PRDM1: variants seen among roughly 807,000 people sequenced by gnomAD.
PRDM1 encodes the protein PR domain zinc finger protein 1.
PRDM1 carries 13 observed loss-of-function variants against 62.8 expected under a neutral mutation model. That is an observed-to-expected ratio of 0.21 (90% confidence interval 0.13 to 0.33). The LOEUF is 0.33. Among genes scored for constraint, PRDM1 ranks in the 10% least tolerant of loss-of-function variants. PRDM1 has a pLI of 1.00. For synonymous variants in PRDM1, 396 were observed against 417.6 expected, an observed-to-expected ratio of 0.95 and a Z score of 0.63; for missense variants, 895 against 1,058.8, an observed-to-expected ratio of 0.85 and a Z score of 2.15.
At chr6:106,011,208 C>G (rs747828455) in intron 1 of PRDM1, among the ~76,000 whole-genome samples, 1 of 151,932 alleles carries the variant, frequency 6.6e-6, no homozygotes, top group Non-Finnish European at 1.5e-5. Flanking sequence ...GAAGATGTAC[C>G]GAAGACTTAA....
At position 106,106,428 on chromosome 6, in the gene PRDM1, G is replaced by A; in HGVS notation, c.1831G>A (p.Gly611Ser). Residue 611 changes from glycine (G) to serine (S), a missense_variant, in exon 6 of 7, where the codon GGC becomes AGC. Physicochemically the swap from Gly to Ser is moderately conservative, Grantham distance 56. Around this residue, in one of 4 missense-constraint regions of PRDM1, gnomAD observed 74 missense variants for 172.4 expected, o/e 0.43. Coordinates refer to ENST00000369096, the MANE Select transcript of PRDM1 (RefSeq NM_001198.4). This position sits in a 1 kb window ranked among gnomAD's most constrained non-coding sequence, Gnocchi z 4.4. ...TTTCAAATGTCAGACTTGCAACAAG[G>A]GCTTTACTCAGCTCGCCCACCTGCA... is the stretch of plus-strand genomic sequence containing the variant. ...RPFKCQTCNK[G>S]FTQLAHLQKH... 6.2e-7 allele frequency: 1 copy of A among 1,614,134 alleles called. No homozygotes were observed. Among genetic ancestry groups the A allele is most frequent in the Non-Finnish European group, 8.5e-7 (1 of 1,180,032 alleles).
chr6:105,998,912 TATATATATATATATATATA>T (rs1159670880), intron 1 of PRDM1, among the ~76,000 whole-genome samples: 28 of 6,200 alleles, frequency 4.5e-3, no homozygotes, highest in African/African-American at 0.01. Flanking sequence ...TATATATATA[TATATATATATATATATATA>T]TATTTTTTTT....
chr6:105,998,906 TA>T (rs1772386537), intron 1 of PRDM1, among the ~76,000 whole-genome samples: 5 of 5,952 alleles, frequency 8.4e-4, no homozygotes, highest in Non-Finnish European at 1.1e-3. Context: ...TATATATATA[TA>T]TATATATATA....
chr6:106,104,368 C>T (rs1985899), intron 4 of PRDM1, among the ~76,000 whole-genome samples: 12,332 of 152,182 alleles, frequency 0.081, 662 homozygotes, highest in East Asian at 0.18. Context: ...TGCGCCACCA[C>T]GCCCAGCTAA....
At chr6:106,066,953 T>C (rs1773443686) in intron 1 of PRDM1, among the ~76,000 whole-genome samples, 1 of 152,344 alleles carries the variant, frequency 6.6e-6, no homozygotes, top group South Asian at 2.1e-4. Flanking sequence ...GCTTCATGTG[T>C]ATTAAGTGAT....
At chr6:106,027,668 G>T (rs964531932) in intron 1 of PRDM1, among the ~76,000 whole-genome samples, 1 of 152,104 alleles carries the variant, frequency 6.6e-6, no homozygotes, top group African/African-American at 2.4e-5. Flanking sequence ...TCAATGTAGG[G>T]TTTTATCTTA....
upstream of PRDM1, among the ~76,000 whole-genome samples, chr6:106,084,515 G>A (rs530224318): frequency 2.2e-3 from 331 of 152,264 alleles, 3 homozygotes; most frequent in Non-Finnish European, 3.9e-3. Context: ...CTCTATCATG[G>A]TTGACTCACC....
intron 1 of PRDM1, chr6:106,087,909 TA>T (rs1261950583): frequency 3.5e-6 from 1 of 285,240 alleles, no homozygotes; most frequent in Admixed American, 4.9e-5. Flanking sequence ...CCATGAGAGG[TA>T]AAGCCAGGGA....
chr6:106,024,852 A>G (rs1772744725), intron 1 of PRDM1, among the ~76,000 whole-genome samples: 1 of 152,202 alleles, frequency 6.6e-6, no homozygotes, highest in African/African-American at 2.4e-5. Flanking sequence ...TGAAATTAAA[A>G]TATGTGTCAG....
intron 1 of PRDM1, among the ~76,000 whole-genome samples, chr6:106,030,700 T>A (rs986786118): frequency 3.9e-5 from 6 of 152,214 alleles, no homozygotes; most frequent in African/African-American, 1.4e-4. Context: ...TTAGAGATAA[T>A]CTATATGTAT....
intron 1 of PRDM1, among the ~76,000 whole-genome samples, chr6:106,006,125 G>A (rs1486884752): frequency 6.6e-6 from 1 of 152,230 alleles, no homozygotes; most frequent in Non-Finnish European, 1.5e-5. Context: ...AGCATGGAAA[G>A]TGCTGTATTC....
chr6:106,086,050 C>G (rs545330503), upstream of PRDM1, among the ~76,000 whole-genome samples: 5 of 152,168 alleles, frequency 3.3e-5, no homozygotes, highest in African/African-American at 4.8e-5. Context: ...AAGGAACGTG[C>G]GCCCCCTAAT....
intron 1 of PRDM1, among the ~76,000 whole-genome samples, chr6:106,018,517 A>G (rs1040918583): frequency 3.3e-5 from 5 of 152,170 alleles, no homozygotes; most frequent in African/African-American, 1.2e-4. Flanking sequence ...AGATCACATT[A>G]TGTTTAATGG....
intron 1 of PRDM1, among the ~76,000 whole-genome samples, chr6:106,063,760 G>C (rs900657550): frequency 6.6e-6 from 1 of 152,192 alleles, no homozygotes. Context: ...AGGCAGAAAT[G>C]TGTCAAGAAG....
intron 1 of PRDM1, among the ~76,000 whole-genome samples, chr6:106,061,340 C>T (rs892534938): frequency 8.9e-5 from 12 of 134,966 alleles, no homozygotes; most frequent in East Asian, 4.5e-4. Flanking sequence ...TCCACTGATC[C>T]GGACTGAGTG....
At chr6:106,044,405 T>G (rs986857791), upstream of PRDM1, among the ~76,000 whole-genome samples, 2 of 152,198 alleles carry the variant, frequency 1.3e-5, no homozygotes, top group African/African-American at 4.8e-5. Flanking sequence ...AATAAATCAC[T>G]TAGTACTTTT....
At chr6:106,096,105 C>T (rs1382724308) in intron 3 of PRDM1, 2 of 170,814 alleles carry the variant, frequency 1.2e-5, no homozygotes, top group African/African-American at 4.8e-5. Context: ...TTCTTGCTGA[C>T]TTAACTTTAA....
chr6:106,025,276 C>T (rs1436962961), intron 1 of PRDM1, among the ~76,000 whole-genome samples: 1 of 152,178 alleles, frequency 6.6e-6, no homozygotes, highest in Non-Finnish European at 1.5e-5. Context: ...TTTAGGTTCT[C>T]CCACAGCTGT....
At chr6:106,088,118 T>A in intron 1 of PRDM1, 83 bp from the exon 2 acceptor site, 1 of 1,484,340 alleles carries the variant, frequency 6.7e-7, no homozygotes, top group South Asian at 1.4e-5. Flanking sequence ...GTCTTCAGAC[T>A]ACTGTATTAG....
Sources: allele counts gnomAD v4.1 joint callset (sites outside exome capture counted in the v4.1 genomes callset), GRCh38; gene constraint gnomAD v4.1.1; regional missense constraint gnomAD v4.1.1; non-coding constraint Gnocchi (gnomAD v3.1); transcripts MANE v1.5; gene names NCBI Gene and HGNC (gene_info 2026-07-23, HGNC 2026-07-21).